ELMO1: variants seen among roughly 807,000 people sequenced by gnomAD.
ELMO1 encodes engulfment and cell motility protein 1.
Under a neutral mutation model 98.9 loss-of-function variants are expected in ELMO1, and 26 were observed. The ratio of observed to expected loss-of-function variants is 0.26; its 90% CI spans 0.19 to 0.36. ELMO1 has a LOEUF of 0.36. Among genes scored for constraint, ELMO1 ranks in the 10% least tolerant of loss-of-function variants. The pLI, the probability that ELMO1 is intolerant of heterozygous loss-of-function variation, is 1.00. For missense variants in ELMO1, 627 were observed against 935.2 expected (o/e 0.67, Z 4.30); for synonymous variants, 346 against 346.0 (o/e 1.00, Z 0.00).
chr7:37,388,253 G>A (rs1423535786), intron 1 of ELMO1, among the ~76,000 whole-genome samples: 3 of 152,136 alleles, frequency 2.0e-5, no homozygotes, highest in African/African-American at 7.2e-5. Context: ...CCCACCACCA[G>A]AGGAGCAGAC....
rs60143738 is a variant in ELMO1, at chr7:37,036,909, T to A, written c.1301-23474A>T. Among the ~76,000 whole-genome samples the A allele has an allele frequency of 8.0e-3, 1,216 of 152,268 alleles. 17 individuals carry two copies. The highest frequency in any genetic ancestry group is 0.028 in the African/African-American group (1,159 of 41,548). On this transcript the variant is annotated intron_variant, in intron 15 of 21. Transcript: ENST00000310758. ...CAAAAGAACTTCTCAGCAAATTTTATGTGGAAGAGAAGATAAAAGAAACAA... is the reference window on the plus strand; with the variant it reads ...CAAAAGAACTTCTCAGCAAATTTTAAGTGGAAGAGAAGATAAAAGAAACAA...
In ELMO1 at chr7:37,085,793, C is replaced by A. The variant is rs141165534; in HGVS notation, c.1300+10826G>T. On this transcript the variant is annotated intron_variant, in intron 15 of 21. Coordinates refer to ENST00000310758, the MANE Select transcript of ELMO1 (RefSeq NM_014800.11). Reference sequence around the variant, plus strand: ...TTTTACTGATGAGACGTGATGATGTCATCCTGCAAATGGCCTCCGTCATTG... The same window carrying A: ...TTTTACTGATGAGACGTGATGATGTAATCCTGCAAATGGCCTCCGTCATTG... Among the ~76,000 whole-genome samples, 54 of 152,334 alleles carry A rather than the reference C, an allele frequency of 3.5e-4. No individual in the cohort carries two copies. In the East Asian group the frequency reaches 0.01, roughly 29 times the overall value.
At chr7:37,321,589 C>T (rs1448247504) in intron 2 of ELMO1, among the ~76,000 whole-genome samples, 7 of 151,072 alleles carry the variant, frequency 4.6e-5, no homozygotes, top group Admixed American at 2.0e-4. Flanking sequence ...TGGTGGCGGG[C>T]GCCTGTAGTC....
At chr7:37,270,649 C>T (rs1022840255) in intron 5 of ELMO1, 4 of 152,020 alleles carry the variant, frequency 2.6e-5, no homozygotes, top group African/African-American at 9.7e-5. Context: ...ATGTTACTAC[C>T]TAAAGTATCT....
At chr7:37,201,624 C>A (rs1563073924) in intron 13 of ELMO1, among the ~76,000 whole-genome samples, 1 of 152,176 alleles carries the variant, frequency 6.6e-6, no homozygotes, top group Admixed American at 6.5e-5. Flanking sequence ...CCCCAAGAAC[C>A]CCTGTCTTGG....
intron 16 of ELMO1, among the ~76,000 whole-genome samples, chr7:36,934,501 TA>T (rs35760541): frequency 0.7 from 105,876 of 152,064 alleles, 37,489 homozygotes; most frequent in Non-Finnish European, 0.75. Context: ...CATGGCTAGG[TA>T]AGGGCTCACA....
At chr7:37,031,902 A>G (rs1794904118) in intron 15 of ELMO1, among the ~76,000 whole-genome samples, 1 of 152,222 alleles carries the variant, frequency 6.6e-6, no homozygotes, top group African/African-American at 2.4e-5. Flanking sequence ...CTGGCAAAAC[A>G]AAACATGACC....
At chr7:36,979,887 T>C (rs975101266) in intron 16 of ELMO1, among the ~76,000 whole-genome samples, 1 of 152,224 alleles carries the variant, frequency 6.6e-6, no homozygotes, top group African/African-American at 2.4e-5. Context: ...CATGGGTGTT[T>C]CTTTCCAACC....
chr7:37,244,243 CTT>C, intron 7 of ELMO1, 111 bp downstream of exon 7: 2 of 1,076,700 alleles, frequency 1.9e-6, no homozygotes, highest in South Asian at 3.8e-5. Context: ...CAAAAAATCA[CTT>C]ATTCAAAATA....
intron 12 of ELMO1, among the ~76,000 whole-genome samples, chr7:37,212,565 C>A (rs2287124): frequency 0.28 from 42,031 of 151,976 alleles, 6,402 homozygotes; most frequent in African/African-American, 0.4. Context: ...GCACATTCAC[C>A]GCCTCTCAAA....
chr7:37,213,467 T>C lies in ELMO1; in HGVS notation c.832-10A>G, dbSNP rs374304980. Reference sequence around the variant, plus strand: ...GGGCTCGGATGACATGCTAGGGAGATGGTTCACAAATGAAATTTTTTAAAA... The same window carrying C: ...GGGCTCGGATGACATGCTAGGGAGACGGTTCACAAATGAAATTTTTTAAAA... On this transcript the variant is annotated splice_polypyrimidine_tract_variant and intron_variant, in intron 11 of 21. Coordinates refer to ENST00000310758, the MANE Select transcript of ELMO1 (RefSeq NM_014800.11). The C allele has an allele frequency of 1.2e-6, 2 of 1,606,418 alleles. No homozygotes were observed. The highest frequency in any genetic ancestry group is 1.3e-5 in the African/African-American group (1 of 74,622).
chr7:37,045,768 C>G (rs913850231), intron 15 of ELMO1, among the ~76,000 whole-genome samples: 2 of 152,164 alleles, frequency 1.3e-5, no homozygotes, highest in Non-Finnish European at 2.9e-5. Context: ...ATGAAACAGT[C>G]TATATTTCTA....
chr7:36,931,168 T>C (rs1276335885), intron 16 of ELMO1, among the ~76,000 whole-genome samples: 1 of 152,246 alleles, frequency 6.6e-6, no homozygotes, highest in Admixed American at 6.5e-5. Context: ...TTTAGAACAT[T>C]TAAGGCAGCT....
chr7:37,003,109 C>T (rs1383959529), intron 16 of ELMO1, among the ~76,000 whole-genome samples: 1 of 152,122 alleles, frequency 6.6e-6, no homozygotes. Flanking sequence ...GAAGAAAACA[C>T]ATAGAAACCA....
intron 16 of ELMO1, among the ~76,000 whole-genome samples, chr7:37,006,175 A>G (rs890673721): frequency 2.6e-5 from 4 of 152,096 alleles, no homozygotes; most frequent in African/African-American, 9.7e-5. Context: ...AGTTCAACGC[A>G]CCCCCATACA....
intron 16 of ELMO1, among the ~76,000 whole-genome samples, chr7:36,896,520 T>G (rs73689682): frequency 2.6e-5 from 4 of 152,192 alleles, no homozygotes; most frequent in African/African-American, 9.7e-5. Flanking sequence ...GGAATGGAAA[T>G]AGACAGATAA....
At chr7:37,095,991 G>A (rs935338881) in intron 15 of ELMO1, among the ~76,000 whole-genome samples, 1 of 152,170 alleles carries the variant, frequency 6.6e-6, no homozygotes, top group African/African-American at 2.4e-5. Context: ...ATCCACCTTG[G>A]TAGATTAAAG....
intron 17 of ELMO1, among the ~76,000 whole-genome samples, chr7:36,890,858 T>C (rs1805488499): frequency 6.6e-6 from 1 of 152,206 alleles, no homozygotes; most frequent in South Asian, 2.1e-4. Context: ...CCTGCACTTT[T>C]CTGGCCTCAC....
At chr7:36,900,880 A>G (rs532332285) in intron 16 of ELMO1, among the ~76,000 whole-genome samples, 2 of 152,316 alleles carry the variant, frequency 1.3e-5, no homozygotes, top group Middle Eastern at 6.8e-3. Flanking sequence ...GCACAACAAA[A>G]GGACTGAAGG....
Sources: gnomAD v4.1 joint callset for allele counts (sites outside exome capture counted in the v4.1 genomes callset) on GRCh38, gnomAD v4.1.1 for gene constraint, MANE v1.5 for transcripts, NCBI Gene and HGNC (gene_info 2026-07-23, HGNC 2026-07-21) for gene names.